TCHH: variants seen among roughly 807,000 people sequenced by gnomAD.
TCHH encodes the protein trichohyalin.
Under a neutral mutation model 6.3 loss-of-function variants are expected in TCHH, and 6 were observed. The observed-to-expected ratio is 0.95, with a 90% CI of 0.52 to 1.88. The LOEUF (loss-of-function observed/expected upper bound fraction) is 1.88. TCHH is among the 40% of genes most tolerant of loss of function. The probability of loss-of-function intolerance (pLI) is 0.01; values close to 1 mark genes in which losing one functional copy is unlikely to be tolerated. For missense variants in TCHH, 2,920 were observed against 2,449.1 expected, an observed-to-expected ratio of 1.19 and a Z score of -4.06; for synonymous variants, 1,087 against 963.6, an observed-to-expected ratio of 1.13 and a Z score of -2.37.
rs1658464024 is a variant in TCHH, at chr1:152,114,541, G to A, written c.-31-430C>T. On this transcript the variant is annotated intron_variant, in intron 1 of 2. Coordinates refer to ENST00000614923, the MANE Select transcript of TCHH (RefSeq NM_007113.4). Reference sequence around the variant, plus strand: ...GGAAGACTTGAGAGTATCTTAAAGTGGATAGAGGCCATGTCAGCAAAACAG... The same window carrying A: ...GGAAGACTTGAGAGTATCTTAAAGTAGATAGAGGCCATGTCAGCAAAACAG... Among the ~76,000 whole-genome samples the A allele has an allele frequency of 1.3e-5, 2 of 152,172 alleles. 1 individual carries two copies. Among genetic ancestry groups the A allele is most frequent in the South Asian group, 4.1e-4 (2 of 4,826 alleles).
In TCHH at chr1:152,107,752, C is replaced by T; in HGVS notation, c.5465G>A (p.Arg1822His). ...LRPQQRDGKY[R>H]WEEEQLQLEE... The stretch of plus-strand genomic sequence containing the variant: ...AAGTTGGAGCTGCTCTTCTTCCCAG[C>T]GATACTTTCCGTCACGCTGTTGGGG... The change falls in exon 3 of 3, where the codon CGC (arginine) becomes CAC (histidine). Residue 1822 changes from arginine (R) to histidine (H), a missense_variant. Arg to His is a conservative substitution (Grantham distance 29, BLOSUM62 0). Coordinates refer to ENST00000614923, the MANE Select transcript of TCHH (RefSeq NM_007113.4). The T allele has an allele frequency of 2.5e-6, 4 of 1,614,208 alleles. No homozygotes were observed. The highest frequency in any genetic ancestry group is 2.2e-5 in the East Asian group (1 of 44,882).
chr1:152,110,120 G>T lies in TCHH; in HGVS notation c.3097C>A (p.Leu1033Met), dbSNP rs765495757. 1.9e-6 allele frequency: 3 copies of T among 1,610,648 alleles called. No individual in the cohort carries two copies. The highest frequency in any genetic ancestry group is 2.5e-6 in the Non-Finnish European group (3 of 1,179,252). ...KDELQQEEEQ[L>M]LREEREKRRL... ...CTTTTCTCCCGTTCCTCTCTCAGCAGCTGCTCTTCTTCCTGCTGCAGCTCG... is the reference window on the plus strand; with the variant it reads ...CTTTTCTCCCGTTCCTCTCTCAGCATCTGCTCTTCTTCCTGCTGCAGCTCG... Residue 1033 changes from leucine to methionine, a missense_variant, in exon 3 of 3, where the codon CTG becomes ATG. Coordinates refer to ENST00000614923, the MANE Select transcript of TCHH (RefSeq NM_007113.4).
At position 152,107,459 on chromosome 1, in the gene TCHH, A is replaced by T. The variant is rs1658134893; in HGVS notation, c.5758T>A (p.Phe1920Ile). Residue 1920 changes from phenylalanine (F) to isoleucine (I), a missense_variant, in exon 3 of 3, where the codon TTT becomes ATT. Coordinates refer to ENST00000614923, the MANE Select transcript of TCHH (RefSeq NM_007113.4). ...CTGGAGCGCACTGGGACACTGGCAA[A>T]CTGATGAGTGCCGGGCTCCAGAAGC... ...GRLLEPGTHQ[F>I]ASVPVRSSPL... 1.9e-6 allele frequency: 3 copies of T among 1,613,818 alleles called. No homozygotes were observed. Among genetic ancestry groups the T allele is most frequent in the South Asian group, 1.1e-5 (1 of 91,032 alleles).
rs758873066 is a variant in TCHH at position 152,112,523 on chromosome 1, C to G, written c.694G>C (p.Glu232Gln). ...GREEKQQQRR[E>Q]RQDRVFQEEE... ...TCCTGGAACACTCTGTCTTGCCGCT[C>G]TCGCCTTTGCTGCTGTTTCTCCTCG... Residue 232 changes from glutamate to glutamine, a missense_variant, in exon 3 of 3, where the codon GAG (glutamate) becomes CAG (glutamine). Coordinates refer to ENST00000614923, the MANE Select transcript of TCHH (RefSeq NM_007113.4). 5.6e-5 allele frequency: 90 copies of G among 1,613,352 alleles called. No homozygotes were observed. The highest frequency in any genetic ancestry group is 7.2e-5 in the Non-Finnish European group (85 of 1,180,018).
In TCHH at chr1:152,107,561, G is replaced by A; in HGVS notation, c.5656C>T (p.Arg1886Cys). The A allele has an allele frequency of 5.6e-6, 9 of 1,614,042 alleles. No homozygotes were observed. Among genetic ancestry groups the A allele is most frequent in the Non-Finnish European group, 7.6e-6 (9 of 1,179,998 alleles). Residue 1886 changes from arginine (R) to cysteine (C), a missense_variant, in exon 3 of 3, where the codon CGC becomes TGC. By Grantham distance (180) the Arg-to-Cys change is radical. Transcript: ENST00000614923. ...CTCTGTTCCTCCTTCTGCTGGCGGCGGATGTGTTCTTCCCGTAATTTCCTT... is the reference window on the plus strand; with the variant it reads ...CTCTGTTCCTCCTTCTGCTGGCGGCAGATGTGTTCTTCCCGTAATTTCCTT... The part of the protein sequence containing the change: ...RERKLREEHI[R>C]RQQKEEQRHR...
Position 152,109,833 on chromosome 1 carries a change from C to A in TCHH, c.3384G>T (p.Arg1128=). The stretch of plus-strand genomic sequence containing the variant: ...CCAGCTCCTGGCGCCTTCTCTTCTC[C>A]CGTTCCTCTCTCAGCAGCTGCTCTT... ...QEEEQLLREE[R]EKRRRQELER... Residue 1128 remains arginine (R), a synonymous_variant, in exon 3 of 3, where the codon CGG becomes CGT. Transcript: ENST00000614923. 1 of 1,611,392 alleles carries A rather than the reference C, an allele frequency of 6.2e-7. No individual in the cohort carries two copies. The highest frequency in any genetic ancestry group is 1.1e-5 in the South Asian group (1 of 90,526).
Position 152,112,650 on chromosome 1 carries a change from C to T in TCHH, c.567G>A (p.Glu189=), listed in dbSNP as rs1431909254. ...EWQEREERRA[E]EEQLQSCKGH... ...CTTTGCAACTCTGCAGCTGCTCTTC[C>T]TCTGCACGGCGCTCTTCCCGTTCTT... The change falls in exon 3 of 3, where the codon GAG becomes GAA. Residue 189 remains glutamate, a synonymous_variant. Coordinates refer to ENST00000614923, the MANE Select transcript of TCHH (RefSeq NM_007113.4). 2 of 1,614,050 alleles carry T rather than the reference C, an allele frequency of 1.2e-6. No homozygotes were observed. The highest frequency in any genetic ancestry group is 1.3e-5 in the African/African-American group (1 of 75,030).
rs1658130400 is a variant in TCHH, at chr1:152,107,287, C to T, written c.*98G>A. The T allele has an allele frequency of 1.6e-6, 2 of 1,265,180 alleles. No individual in the cohort carries two copies. The highest frequency in any genetic ancestry group is 4.8e-5 in the East Asian group (2 of 41,882). The allele number at this position is 1,265,180 out of a possible 1,614,324, so 78.4% of individuals were successfully genotyped here. A position where few individuals can be genotyped will look rare whatever the true frequency, so the allele number is the denominator to read the frequency against. ...GACATTCTAATATCAGAGAGTTTTC[C>T]CACAACCAGAAACATCTGAGTTATC... On this transcript the variant is annotated 3_prime_UTR_variant, in exon 3 of 3. Transcript: ENST00000614923.
rs1477986605 is a variant in TCHH at position 152,109,010 on chromosome 1, C to T, written c.4207G>A (p.Glu1403Lys). Residue 1403 changes from glutamate to lysine, a missense_variant, in exon 3 of 3, where the codon GAG becomes AAG. Glu to Lys is a moderately conservative substitution (Grantham distance 56). Transcript: ENST00000614923. ...TCCTGACGCAGCTGTTGCTCGCGCT[C>T]CTGGCAGCGCAGCTGCTGTTCCTCC... ...LKEEQQLRCQ[E>K]REQQLRQDRD... The T allele has an allele frequency of 3.6e-5, 58 of 1,611,656 alleles. No homozygotes were observed. Among genetic ancestry groups the T allele is most frequent in the Non-Finnish European group, 4.5e-5 (53 of 1,179,370 alleles).
chr1:152,111,226 T>C lies in TCHH; in HGVS notation c.1991A>G (p.Glu664Gly). The C allele has an allele frequency of 6.2e-7, 1 of 1,609,912 alleles. No homozygotes were observed. Among genetic ancestry groups the C allele is most frequent in the Non-Finnish European group, 8.5e-7 (1 of 1,178,486 alleles). The change falls in exon 3 of 3, where the codon GAG becomes GGG. Residue 664 changes from glutamate (E) to glycine (G), a missense_variant. Physicochemically the swap from Glu to Gly is moderately conservative, Grantham distance 98. Transcript: ENST00000614923. ...CAGCCGCTGCTCGAGCCTCTCTTCC[T>C]CCTCCTCGCGCTTCAGCCGCTGCTC... ...RREQRLKREEEEERLEQRLKR... is the reference protein window; with the variant it reads ...RREQRLKREEGEERLEQRLKR...
rs1658152383 is a variant in TCHH, at chr1:152,107,786, G to C, written c.5431C>G (p.Gln1811Glu). 1 of 1,614,176 alleles carries C rather than the reference G, an allele frequency of 6.2e-7. No individual in the cohort carries two copies. Among genetic ancestry groups the C allele is most frequent in the African/African-American group, 1.3e-5 (1 of 75,054 alleles). ...EQLRQEREEQQLRPQQRDGKY... is the reference protein window; with the variant it reads ...EQLRQEREEQELRPQQRDGKY... ...CCGTCACGCTGTTGGGGGCGCAGCT[G>C]CTGTTCTTCCCTCTCCTGGCGTAGC... Residue 1811 changes from glutamine (Q) to glutamate (E), a missense_variant, in exon 3 of 3, where the codon CAG (glutamine) becomes GAG (glutamate). By Grantham distance (29) the Gln-to-Glu change is conservative. Transcript: ENST00000614923.
rs775230324 is a variant in TCHH, at chr1:152,110,571, C to G, written c.2646G>C (p.Arg882Ser). 3.7e-6 allele frequency: 6 copies of G among 1,614,062 alleles called. No homozygotes were observed. The highest frequency in any genetic ancestry group is 5.1e-6 in the Non-Finnish European group (6 of 1,180,032). The change falls in exon 3 of 3, where the codon AGG becomes AGC. Residue 882 changes from arginine (R) to serine (S), a missense_variant. Arg to Ser is a moderately radical substitution (Grantham distance 110, BLOSUM62 -1). Transcript: ENST00000614923. Reference protein sequence around the residue: ...QKWRWQLEEERKRRRHTLYAK... With the variant: ...QKWRWQLEEESKRRRHTLYAK... ...CGTACAGCGTGTGGCGGCGTCTCTTCCTTTCTTCTTCTAGTTGCCACCTCC... is the reference window on the plus strand; with the variant it reads ...CGTACAGCGTGTGGCGGCGTCTCTTGCTTTCTTCTTCTAGTTGCCACCTCC...
chr1:152,114,279 G>A (rs1658459192), intron 1 of TCHH, among the ~76,000 whole-genome samples, 168 bp from the exon 2 acceptor site: 1 of 152,172 alleles, frequency 6.6e-6, no homozygotes, highest in African/African-American at 2.4e-5. Flanking sequence ...GAAAGAGAAA[G>A]AGCGATCCTG....
rs751809579 is a variant in TCHH at position 152,107,980 on chromosome 1, T to C, written c.5237A>G (p.Tyr1746Cys). The C allele has an allele frequency of 4.3e-6, 7 of 1,613,686 alleles. No individual in the cohort carries two copies. The highest frequency in any genetic ancestry group is 5.9e-6 in the Non-Finnish European group (7 of 1,179,952). ...EQEQLRRQERYRKILEEEQLR... is the reference protein window; with the variant it reads ...EQEQLRRQERCRKILEEEQLR... ...CTGCTCTTCCTCTAGGATTTTTCTG[T>C]AGCGTTCTTGGCGGCGCAGCTGCTC... is the stretch of plus-strand genomic sequence containing the variant. Residue 1746 changes from tyrosine to cysteine, a missense_variant, in exon 3 of 3, where the codon TAC becomes TGC. Coordinates refer to ENST00000614923, the MANE Select transcript of TCHH (RefSeq NM_007113.4).
chr1:152,108,769 C>T lies in TCHH; in HGVS notation c.4448G>A (p.Arg1483His), dbSNP rs1212475173. The T allele has an allele frequency of 1.9e-6, 3 of 1,612,398 alleles. No homozygotes were observed. The highest frequency in any genetic ancestry group is 3.3e-5 in the Admixed American group (2 of 59,796). Reference protein sequence around the residue: ...REEQQLHRQERDRKFLEEEQQ... With the variant: ...REEQQLHRQEHDRKFLEEEQQ... ...TTCCTCCTCCAGGAATTTTCTGTCA[C>T]GCTCTTGGCGGTGCAGCTGCTGTTC... is the stretch of plus-strand genomic sequence containing the variant. Residue 1483 changes from arginine to histidine, a missense_variant, in exon 3 of 3, where the codon CGT (arginine) becomes CAT (histidine). Physicochemically the swap from Arg to His is conservative, Grantham distance 29. Transcript: ENST00000614923.
At position 152,113,947 on chromosome 1, in the gene TCHH, A is replaced by C; in HGVS notation, c.134T>G (p.Leu45Arg). The C allele has an allele frequency of 1.2e-6, 2 of 1,611,834 alleles. No homozygotes were observed. Among genetic ancestry groups the C allele is most frequent in the Non-Finnish European group, 1.7e-6 (2 of 1,179,302 alleles). Residue 45 changes from leucine to arginine, a missense_variant, in exon 2 of 3, where the codon CTT becomes CGT. Transcript: ENST00000614923. ...NLLEREFGAV[L>R]RRPHDPKTVD... The stretch of plus-strand genomic sequence containing the variant: ...CATTTTCTTGTTAGTTCTTACCCGA[A>C]GCACAGCTCCAAATTCCCTTTCAAG...
rs1017418897 is a variant in TCHH, at chr1:152,109,408, A to G, written c.3809T>C (p.Leu1270Pro). ...DRQSQQDLQHLLGEQQERDRE... is the reference protein window; with the variant it reads ...DRQSQQDLQHPLGEQQERDRE... Reference sequence around the variant, plus strand: ...ATCTCGCTCTTGCTGTTCACCCAGCAGGTGCTGCAGATCTTGCTGGGATTG... The same window carrying G: ...ATCTCGCTCTTGCTGTTCACCCAGCGGGTGCTGCAGATCTTGCTGGGATTG... Residue 1270 changes from leucine (L) to proline (P), a missense_variant, in exon 3 of 3, where the codon CTG becomes CCG. Leu to Pro is a moderately conservative substitution (Grantham distance 98, BLOSUM62 -3). Transcript: ENST00000614923. The G allele has an allele frequency of 1.2e-6, 2 of 1,613,402 alleles. No homozygotes were observed. The highest frequency in any genetic ancestry group is 2.7e-5 in the African/African-American group (2 of 74,932).
chr1:152,109,367 T>A lies in TCHH; in HGVS notation c.3850A>T (p.Arg1284Trp), dbSNP rs779156180. Residue 1284 changes from arginine to tryptophan, a missense_variant, in exon 3 of 3, where the codon AGG becomes TGG. Coordinates refer to ENST00000614923, the MANE Select transcript of TCHH (RefSeq NM_007113.4). Reference sequence around the variant, plus strand: ...TGCCTGTCGCGCTGCTGCCAGCGCCTCCTCTCTTGCTCACGATCTCGCTCT... The same window carrying A: ...TGCCTGTCGCGCTGCTGCCAGCGCCACCTCTCTTGCTCACGATCTCGCTCT... ...QQERDREQER[R>W]RWQQRDRHFP... 3.1e-6 allele frequency: 5 copies of A among 1,614,178 alleles called. No homozygotes were observed. The East Asian group carries it at 1.1e-4, about 36-fold the overall frequency.
In TCHH at chr1:152,108,853, A is replaced by G; in HGVS notation, c.4364T>C (p.Leu1455Pro). The G allele has an allele frequency of 1.2e-6, 2 of 1,601,338 alleles. No homozygotes were observed. The highest frequency in any genetic ancestry group is 4.5e-5 in the East Asian group (2 of 44,210). Residue 1455 changes from leucine to proline, a missense_variant, in exon 3 of 3, where the codon CTG becomes CCG. By Grantham distance (98) the Leu-to-Pro change is moderately conservative (BLOSUM62 -3). Coordinates refer to ENST00000614923, the MANE Select transcript of TCHH (RefSeq NM_007113.4). ...GAATTTTCTGTGACGCTCCTGGCGC[A>G]GCTGCTGTTCCTCCTCCAGGAATTT... ...ERKFLEEEQQLRQERHRKFRE... is the reference protein window; with the variant it reads ...ERKFLEEEQQPRQERHRKFRE...
Sources: gnomAD v4.1 joint callset for allele counts (sites outside exome capture counted in the v4.1 genomes callset) on GRCh38, gnomAD v4.1.1 for gene constraint, MANE v1.5 for transcripts, NCBI Gene and HGNC (gene_info 2026-07-23, HGNC 2026-07-21) for gene names.